Variants in ITPR1 observed in about 807,000 individuals in gnomAD.
ITPR1 encodes inositol 1,4,5-trisphosphate receptor type 1.
Under a neutral mutation model 318.4 loss-of-function variants are expected in ITPR1, and 96 were observed. The ratio of observed to expected loss-of-function variants is 0.30; its 90% CI spans 0.26 to 0.36. The LOEUF (loss-of-function observed/expected upper bound fraction) is 0.36. Ranked by LOEUF, ITPR1 falls within the 10% of genes least tolerant of loss-of-function variation. The probability of loss-of-function intolerance (pLI) is 1.00; values close to 1 mark genes in which losing one functional copy is unlikely to be tolerated. For missense variants in ITPR1, 2,440 were observed against 3,460.2 expected (o/e 0.71, Z 7.40); for synonymous variants, 1,312 against 1,289.9 (o/e 1.02, Z -0.37).
At chr3:4,577,174 C>G (rs2088768797) in intron 4 of ITPR1, among the ~76,000 whole-genome samples, 1 of 152,180 alleles carries the variant, frequency 6.6e-6, no homozygotes, top group Non-Finnish European at 1.5e-5. Context: ...AATGAGGGCC[C>G]TGGGCACATG....
In ITPR1 at chr3:4,779,436, G is replaced by A. The variant is rs2046680130; in HGVS notation, c.6292-114G>A. On this transcript the variant is annotated intron_variant, in intron 48 of 61. Transcript: ENST00000649015. This position sits in a 1 kb window ranked among gnomAD's most constrained non-coding sequence, Gnocchi z 4.0. ...TTAACCCAGAGCTTCCTCATGGGGT[G>A]AAATGTTCGTCTGTTTAGCCGGGAT... The A allele has an allele frequency of 1.4e-6, 1 of 729,472 alleles. No individual in the cohort carries two copies. Among genetic ancestry groups the A allele is most frequent in the Non-Finnish European group, 2.5e-6 (1 of 400,892 alleles). 45.2% of individuals were successfully genotyped at this position (729,472 alleles called of 1,614,324 possible). A position where few individuals can be genotyped will look rare whatever the true frequency, so the allele number is the denominator to read the frequency against.
rs1313678010 is a variant in ITPR1, at chr3:4,725,528, C to T, written c.5137-18C>T. The T allele has an allele frequency of 1.6e-5, 25 of 1,597,052 alleles. No individual in the cohort carries two copies. The highest frequency in any genetic ancestry group is 2.7e-5 in the African/African-American group (2 of 74,808). Reference sequence around the variant, plus strand: ...TGCAAGTGCCATGACTAACGTACTTCGTTTTACTCCCAATTAGCTTCCTCC... The same window carrying T: ...TGCAAGTGCCATGACTAACGTACTTTGTTTTACTCCCAATTAGCTTCCTCC... On this transcript the variant is annotated intron_variant, in intron 40 of 61. Coordinates refer to ENST00000649015, the MANE Select transcript of ITPR1 (RefSeq NM_001378452.1).
intron 16 of ITPR1, among the ~76,000 whole-genome samples, chr3:4,664,574 C>T (rs2093906211): frequency 6.6e-6 from 1 of 152,212 alleles, no homozygotes; most frequent in Admixed American, 6.5e-5. Context: ...AAATGTCCAG[C>T]TGTTGTTTCA....
chr3:4,831,152 C>CACACACAG, intron 60 of ITPR1: 1 of 385,846 alleles, frequency 2.6e-6, no homozygotes, highest in Non-Finnish European at 5.1e-6. Flanking sequence ...CACACACACA[C>CACACACAG]ACTCACTCCC....
At chr3:4,564,264 T>G (rs1043224265) in intron 4 of ITPR1, among the ~76,000 whole-genome samples, 10 of 152,094 alleles carry the variant, frequency 6.6e-5, no homozygotes, top group African/African-American at 1.7e-4. Flanking sequence ...TCTGAAGGCA[T>G]AGGAAGAAAT....
intron 4 of ITPR1, among the ~76,000 whole-genome samples, chr3:4,587,461 G>C (rs554006041): frequency 6.6e-6 from 1 of 152,094 alleles, no homozygotes; most frequent in Admixed American, 6.5e-5. Context: ...AGTAGAGACA[G>C]GGTTTCACCA....
At chr3:4,510,088 A>C (rs2081689302) in intron 2 of ITPR1, among the ~76,000 whole-genome samples, 1 of 152,208 alleles carries the variant, frequency 6.6e-6, no homozygotes, top group South Asian at 2.1e-4. Flanking sequence ...AGGGCTTCCC[A>C]GAGGTGGAGA....
intron 4 of ITPR1, among the ~76,000 whole-genome samples, chr3:4,539,199 G>T (rs1350313138): frequency 6.6e-6 from 1 of 152,048 alleles, no homozygotes; most frequent in African/African-American, 2.4e-5. Context: ...TTATTTAGAA[G>T]TATTTTTATA....
rs768179678 is a variant in ITPR1 at position 4,688,558 on chromosome 3, G to T, written c.3766G>T (p.Ala1256Ser). ...TCATGAATTTTTGCAGAATTTCTGC[G>T]CAGGCAACCAGCAGAATCAAGCTTT... ...LAHEFLQNFC[A>S]GNQQNQALLH... is the part of the protein sequence containing the mutation. Residue 1256 changes from alanine (A) to serine (S), a missense_variant, in exon 31 of 62, where the codon GCA (alanine) becomes TCA (serine). This residue lies in a region of ITPR1 where 222 missense variants were observed against 318.8 expected (regional missense o/e 0.70). Coordinates refer to ENST00000649015, the MANE Select transcript of ITPR1 (RefSeq NM_001378452.1). 2.5e-6 allele frequency: 4 copies of T among 1,613,922 alleles called. No individual in the cohort carries two copies. The highest frequency in any genetic ancestry group is 1.3e-5 in the African/African-American group (1 of 75,044).
intron 18 of ITPR1, 39 bp from the exon 19 acceptor site, chr3:4,669,615 T>C (rs760395384): frequency 2.5e-5 from 39 of 1,573,934 alleles, no homozygotes; most frequent in Non-Finnish European, 3.4e-5. Flanking sequence ...TAACCTCTGC[T>C]CTATCTACAG....
Position 4,787,991 on chromosome 3 carries a change from G to A in ITPR1, c.6660G>A (p.Val2220=). 6.2e-7 allele frequency: 1 copy of A among 1,612,792 alleles called. No homozygotes were observed. Residue 2220 remains valine (V), a synonymous_variant, in exon 52 of 62, where the codon GTG becomes GTA. Coordinates refer to ENST00000649015, the MANE Select transcript of ITPR1 (RefSeq NM_001378452.1). The part of the protein sequence containing the change: ...DRTMEQIVFP[V]PSICEFLTKE... The stretch of plus-strand genomic sequence containing the variant: ...CAATGGAACAGATAGTCTTTCCCGT[G>A]CCCAGCATATGTGAATTCCTAACCA...
At chr3:4,534,646 G>A (rs891752614) in intron 4 of ITPR1, among the ~76,000 whole-genome samples, 3 of 152,124 alleles carry the variant, frequency 2.0e-5, no homozygotes, top group African/African-American at 4.8e-5. Context: ...TCCTTTCTTC[G>A]TCTGGTATTT....
intron 5 of ITPR1, among the ~76,000 whole-genome samples, chr3:4,632,929 C>CT (rs1156474451): frequency 0.074 from 4,906 of 66,078 alleles, 1,787 homozygotes; most frequent in African/African-American, 0.18. Context: ...ACTTTCAGGT[C>CT]TTTTTTTTTT....
At chr3:4,815,560 G>C (rs1383861260) in intron 59 of ITPR1, among the ~76,000 whole-genome samples, 1 of 152,066 alleles carries the variant, frequency 6.6e-6, no homozygotes. Flanking sequence ...AGAATTATGA[G>C]AGACAGCGTA....
rs528269848 is a variant in ITPR1, at chr3:4,637,250, T to G, written c.280-2134T>G. Among the ~76,000 whole-genome samples the G allele has an allele frequency of 1.8e-4, 28 of 152,362 alleles. No homozygotes were observed. In the Middle Eastern group the frequency reaches 0.014, roughly 74 times the overall value. On this transcript the variant is annotated intron_variant, in intron 5 of 61. Coordinates refer to ENST00000649015, the MANE Select transcript of ITPR1 (RefSeq NM_001378452.1). ...CCCCCTCTTGAGTTTGCAGTCAGTG[T>G]TAGCTGAGAACTCTTAAGCAGAAAG...
At chr3:4,721,732 C>G (rs2042177338) in intron 40 of ITPR1, among the ~76,000 whole-genome samples, 1 of 152,134 alleles carries the variant, frequency 6.6e-6, no homozygotes, top group African/African-American at 2.4e-5. Context: ...CATCCCATTT[C>G]AAAGGAAAAT....
chr3:4,753,336 C>G (rs540912182), intron 44 of ITPR1, among the ~76,000 whole-genome samples: 27 of 152,254 alleles, frequency 1.8e-4, no homozygotes, highest in African/African-American at 5.3e-4. Context: ...GGCCTGTCCC[C>G]TGCTTGGATA....
At position 4,645,609 on chromosome 3, in the gene ITPR1, G is replaced by T; in HGVS notation, c.736G>T (p.Glu246Ter). The change falls in exon 10 of 62, where the codon GAG (glutamate) becomes TAG (stop). Residue 246 changes from glutamate (E) to a stop codon, truncating the protein, a stop_gained. Transcript: ENST00000649015. LOFTEE classifies it high-confidence loss of function. Reference sequence around the variant, plus strand: ...TGACGTGGTGAGGCTGTTTCATGCTGAGCAGGAGAAGTTTCTCACCTGTGA... The same window carrying T: ...TGACGTGGTGAGGCTGTTTCATGCTTAGCAGGAGAAGTTTCTCACCTGTGA... ...GGDVVRLFHA[E>*]QEKFLTCDEH... is the part of the protein sequence containing the mutation. The T allele has an allele frequency of 6.2e-7, 1 of 1,613,462 alleles. No individual in the cohort carries two copies. The highest frequency in any genetic ancestry group is 8.5e-7 in the Non-Finnish European group (1 of 1,179,730).
Position 4,647,878 on chromosome 3 carries a change from A to G in ITPR1, c.855+2150A>G, listed in dbSNP as rs553053057. On this transcript the variant is annotated intron_variant, in intron 10 of 61. Transcript: ENST00000649015. ...TTGTAAGAATCAAGTTCAGCCGGAC[A>G]TGGTGGCTCATGCCTGTAATCCCAG... 9.2e-5 allele frequency among the ~76,000 whole-genome samples: 14 copies of G among 152,364 alleles called. No homozygotes were observed. In the East Asian group the frequency reaches 1.7e-3, roughly 19 times the overall value.
Sources: gnomAD v4.1 joint callset for allele counts (sites outside exome capture counted in the v4.1 genomes callset) on GRCh38, gnomAD v4.1.1 for gene constraint, gnomAD v4.1.1 regional missense constraint, Gnocchi (gnomAD v3.1) non-coding constraint, MANE v1.5 for transcripts, NCBI Gene and HGNC (gene_info 2026-07-23, HGNC 2026-07-21) for gene names.